The following PDE6C variants were observed in gnomAD, a reference collection of about 807,000 sequenced individuals.
PDE6C encodes the protein phosphodiesterase 6C.
PDE6C carries 75 observed loss-of-function variants against 113.1 expected under a neutral mutation model. The observed-to-expected ratio is 0.66, with a 90% confidence interval of 0.55 to 0.80. The LOEUF (loss-of-function observed/expected upper bound fraction) is 0.80, where lower values mean the gene tolerates loss of function less well. Among genes scored for constraint, PDE6C ranks in the 30% least tolerant of loss-of-function variants. The probability of loss-of-function intolerance (pLI) is 0.00; values close to 1 mark genes in which losing one functional copy is unlikely to be tolerated. For missense variants in PDE6C, 912 were observed against 1,038.6 expected, an observed-to-expected ratio of 0.88 and a Z score of 1.67; for synonymous variants, 375 against 363.7, an observed-to-expected ratio of 1.03 and a Z score of -0.35.
intron 8 of PDE6C, among the ~76,000 whole-genome samples, chr10:93,630,179 C>T (rs2058493826): frequency 6.6e-6 from 1 of 152,084 alleles, no homozygotes; most frequent in African/African-American, 2.4e-5. Context: ...CTCCACTGTG[C>T]AGAGACCCAC....
At chr10:93,639,030 A>C (rs188533734) in intron 11 of PDE6C, among the ~76,000 whole-genome samples, 1 of 152,216 alleles carries the variant, frequency 6.6e-6, no homozygotes, top group Non-Finnish European at 1.5e-5. Context: ...TCCTCAGTGC[A>C]CTAGTAAGGA....
Position 93,622,000 on chromosome 10 carries a change from G to A in PDE6C, c.792G>A (p.Ala264=), listed in dbSNP as rs375235184. 9.9e-5 allele frequency: 159 copies of A among 1,613,710 alleles called. No homozygotes were observed. The highest frequency in any genetic ancestry group is 7.6e-4 in the East Asian group (34 of 44,878). Residue 264 remains alanine, a synonymous_variant, in exon 4 of 22, where the codon GCG becomes GCA. Coordinates refer to ENST00000371447, the MANE Select transcript of PDE6C (RefSeq NM_006204.4). The stretch of plus-strand genomic sequence containing the variant: ...ATGTTGAGCGACAGTTTCACAAAGC[G>A]CTCTACACGGTTAGATCATATCTGA... ...LTDVERQFHK[A]LYTVRSYLNC...
intron 1 of PDE6C, among the ~76,000 whole-genome samples, chr10:93,619,309 T>G (rs1277752881): frequency 3.3e-5 from 5 of 152,174 alleles, no homozygotes; most frequent in African/African-American, 1.2e-4. Context: ...AAAATAGGAA[T>G]GGAAGACATA....
intron 15 of PDE6C, among the ~76,000 whole-genome samples, chr10:93,648,441 T>C (rs1044934003): frequency 6.6e-6 from 1 of 152,212 alleles, no homozygotes; most frequent in African/African-American, 2.4e-5. Context: ...ATATTCTTTT[T>C]ACATTTTGGG....
chr10:93,625,683 G>A (rs368923723), intron 5 of PDE6C, 34 bp downstream of exon 5: 3 of 1,449,430 alleles, frequency 2.1e-6, no homozygotes, highest in Non-Finnish European at 2.9e-6. Context: ...TGCCATCTGT[G>A]CATGGTGTCA....
chr10:93,625,524 G>A (rs1035610092), intron 4 of PDE6C, 51 bp from the exon 5 acceptor site: 1 of 1,126,918 alleles, frequency 8.9e-7, no homozygotes, highest in Non-Finnish European at 1.4e-6. Flanking sequence ...ATAAGATATG[G>A]TAGGTCATGG....
chr10:93,639,960 C>CA (rs2058551037), intron 11 of PDE6C, 110 bp from the exon 12 acceptor site: 2 of 1,110,714 alleles, frequency 1.8e-6, no homozygotes, highest in Non-Finnish European at 2.8e-6. Context: ...CAGTGAATCA[C>CA]ACATTGTGTT....
In PDE6C at chr10:93,612,755, G is replaced by A; in HGVS notation, c.30G>A (p.Glu10=). MGEINQVAV[E]KYLEENPQFA... Reference sequence around the variant, plus strand: ...GTGAGATCAACCAAGTTGCCGTGGAGAAATACCTGGAGGAGAACCCTCAGT... The same window carrying A: ...GTGAGATCAACCAAGTTGCCGTGGAAAAATACCTGGAGGAGAACCCTCAGT... Residue 10 remains glutamate, a synonymous_variant, in exon 1 of 22, where the codon GAG becomes GAA. Transcript: ENST00000371447. 1.9e-6 allele frequency: 3 copies of A among 1,614,122 alleles called. 1 individual carries two copies. In the South Asian group the frequency reaches 3.3e-5, roughly 18 times the overall value.
At chr10:93,644,888 T>C (rs1398744548) in intron 14 of PDE6C, among the ~76,000 whole-genome samples, 2 of 19,122 alleles carry the variant, frequency 1.0e-4, no homozygotes, top group Admixed American at 9.1e-4. Context: ...AGTATATTTA[T>C]ATAGTATATA....
chr10:93,663,298 C>A (rs1160625539), intron 21 of PDE6C, 120 bp downstream of exon 21: 5 of 993,424 alleles, frequency 5.0e-6, no homozygotes, highest in Admixed American at 2.0e-5. Flanking sequence ...CTGGTGCAGA[C>A]TGATCATTTT....
chr10:93,621,036 C>A, intron 3 of PDE6C, 56 bp downstream of exon 3: 1 of 1,410,068 alleles, frequency 7.1e-7, no homozygotes, highest in Non-Finnish European at 1.0e-6. Context: ...CAAAGCCGCC[C>A]AGAGACAACA....
intron 10 of PDE6C, among the ~76,000 whole-genome samples, chr10:93,636,523 T>C (rs1192323182): frequency 6.6e-6 from 1 of 151,604 alleles, no homozygotes; most frequent in Admixed American, 6.6e-5. Context: ...GATCTGGGGG[T>C]AATAAAAGGA....
At chr10:93,656,623 G>T (rs1340513817) in intron 16 of PDE6C, among the ~76,000 whole-genome samples, 1 of 151,956 alleles carries the variant, frequency 6.6e-6, no homozygotes, top group Non-Finnish European at 1.5e-5. Flanking sequence ...GGGCTGGAGT[G>T]CAGTGGCACA....
At chr10:93,644,605 G>A (rs1467807853) in intron 14 of PDE6C, among the ~76,000 whole-genome samples, 2 of 151,370 alleles carry the variant, frequency 1.3e-5, no homozygotes, top group Non-Finnish European at 2.9e-5. Flanking sequence ...ATGGATTGTT[G>A]TTTGCTATAG....
At chr10:93,617,983 G>C (rs1324123394) in intron 1 of PDE6C, among the ~76,000 whole-genome samples, 3 of 152,166 alleles carry the variant, frequency 2.0e-5, no homozygotes, top group Admixed American at 2.0e-4. Context: ...ACTTTGGTCT[G>C]AGGGTGAAGA....
At chr10:93,635,255 A>G (rs537108364) in intron 9 of PDE6C, among the ~76,000 whole-genome samples, 4 of 152,130 alleles carry the variant, frequency 2.6e-5, no homozygotes, top group South Asian at 4.2e-4. Flanking sequence ...GTCCTGCTTG[A>G]CTATACTGGT....
chr10:93,640,854 C>A, intron 13 of PDE6C, 66 bp from the exon 14 acceptor site: 1 of 1,037,384 alleles, frequency 9.6e-7, no homozygotes, highest in Non-Finnish European at 1.5e-6. Context: ...TTGCAGGCTG[C>A]ACTTGGTATA....
In PDE6C at chr10:93,635,536, G is replaced by A; in HGVS notation, c.1309G>A (p.Asp437Asn). Residue 437 changes from aspartate to asparagine, a missense_variant, in exon 10 of 22, where the codon GAC becomes AAC. Transcript: ENST00000371447. ...QFLGWSLLNT[D>N]TYDKMNKLEN... Reference sequence around the variant, plus strand: ...TCTTGGATGGTCTCTTTTAAATACTGACACCTACGATAAGATGAATAAGCT... The same window carrying A: ...TCTTGGATGGTCTCTTTTAAATACTAACACCTACGATAAGATGAATAAGCT... The A allele has an allele frequency of 1.9e-6, 3 of 1,611,802 alleles. No individual in the cohort carries two copies. The highest frequency in any genetic ancestry group is 2.5e-6 in the Non-Finnish European group (3 of 1,178,030).
intron 11 of PDE6C, among the ~76,000 whole-genome samples, 163 bp from the exon 12 acceptor site, chr10:93,639,907 A>G (rs991764181): frequency 5.3e-5 from 8 of 152,154 alleles, no homozygotes; most frequent in African/African-American, 1.9e-4. Flanking sequence ...CGTTAGCATA[A>G]TCTGTGCAAA....
Sources: gnomAD v4.1 joint callset for allele counts (sites outside exome capture counted in the v4.1 genomes callset) on GRCh38, gnomAD v4.1.1 for gene constraint, MANE v1.5 for transcripts, NCBI Gene and HGNC (gene_info 2026-07-23, HGNC 2026-07-21) for gene names.